The following TRIP12 variants were observed in gnomAD, a reference collection of about 807,000 sequenced individuals.
TRIP12 encodes thyroid hormone receptor interactor 12.
In TRIP12, 25 loss-of-function variants were observed where a neutral mutation model predicts 244.2. The ratio of observed to expected loss-of-function variants is 0.10; its 90% CI spans 0.07 to 0.14. The LOEUF (loss-of-function observed/expected upper bound fraction) is 0.14, where lower values mean the gene tolerates loss of function less well. Ranked by LOEUF, TRIP12 falls within the 10% of genes least tolerant of loss-of-function variation. The probability of loss-of-function intolerance (pLI) is 1.00; values close to 1 mark genes in which losing one functional copy is unlikely to be tolerated. For missense variants in TRIP12, 1,677 were observed against 2,486.4 expected, an observed-to-expected ratio of 0.67 and a Z score of 6.92; for synonymous variants, 905 against 873.1, an observed-to-expected ratio of 1.04 and a Z score of -0.64.
Position 229,805,989 on chromosome 2 carries a change from C to T in TRIP12, c.2497-106G>A, listed in dbSNP as rs895300194. 8.0e-5 allele frequency: 76 copies of T among 945,178 alleles called. 2 individuals carry two copies. In the South Asian group the frequency reaches 1.9e-3, roughly 23 times the overall value. 58.5% of individuals were successfully genotyped at this position (945,178 alleles called of 1,614,324 possible). The stretch of plus-strand genomic sequence containing the variant: ...ATGCTATCTTACATATTTATTTCAA[C>T]AGGTTTTAGATGGTGAAGTTAACAG... On this transcript the variant is annotated intron_variant, in intron 17 of 41. Transcript: ENST00000675903.
At chr2:229,887,759 G>C (rs796128329) in intron 1 of TRIP12, among the ~76,000 whole-genome samples, 7 of 152,262 alleles carry the variant, frequency 4.6e-5, no homozygotes, top group African/African-American at 1.7e-4. Flanking sequence ...CAATGTCCTA[G>C]GAAATGCTAC....
chr2:229,896,906 T>C lies in TRIP12; in HGVS notation c.-49-16778A>G, dbSNP rs147756461. ...CAGTTTATAATACTACAATGGTAGC[T>C]GTATGTCATTACAAATTTGATAGAA... On this transcript the variant is annotated intron_variant, in intron 1 of 41. Transcript: ENST00000675903. Among the ~76,000 whole-genome samples, 348 of 152,344 alleles carry C rather than the reference T, an allele frequency of 2.3e-3. 1 individual carries two copies. The highest frequency in any genetic ancestry group is 7.9e-3 in the African/African-American group (327 of 41,584).
chr2:229,879,914 G>C (rs1031775192), intron 2 of TRIP12, 68 bp downstream of exon 2: 2 of 1,558,684 alleles, frequency 1.3e-6, no homozygotes, highest in African/African-American at 1.4e-5. Flanking sequence ...TTTGGACCTC[G>C]CAAGGAGGCT....
Position 229,814,048 on chromosome 2 carries a change from T to C in TRIP12, c.1825-17A>G, listed in dbSNP as rs774140114. Reference sequence around the variant, plus strand: ...CAAACCACCCTAAAATATAGAAAACTGTTAAGGTAAAGAAAAATCCTTTAT... The same window carrying C: ...CAAACCACCCTAAAATATAGAAAACCGTTAAGGTAAAGAAAAATCCTTTAT... On this transcript the variant is annotated splice_polypyrimidine_tract_variant and intron_variant, in intron 12 of 41. Coordinates refer to ENST00000675903, the MANE Select transcript of TRIP12 (RefSeq NM_001348323.3). 3 of 1,560,854 alleles carry C rather than the reference T, an allele frequency of 1.9e-6. No homozygotes were observed. The highest frequency in any genetic ancestry group is 1.7e-6 in the Non-Finnish European group (2 of 1,144,744).
At position 229,840,828 on chromosome 2, in the gene TRIP12, C is replaced by G; in HGVS notation, c.1127G>C (p.Ser376Thr). The G allele has an allele frequency of 6.3e-7, 1 of 1,581,582 alleles. No homozygotes were observed. Among genetic ancestry groups the G allele is most frequent in the South Asian group, 1.2e-5 (1 of 84,792 alleles). ...AAAAAAAAAAACAAATTACCTGGTA[C>G]TAGCACAGGAGCCCGTGGTCTTTTG... Reference protein sequence around the residue: ...TRQKTTGSCASTSRRGSGLGK... With the variant: ...TRQKTTGSCATTSRRGSGLGK... The change falls in exon 5 of 42, where the codon AGT becomes ACT. Residue 376 changes from serine to threonine, a missense_variant. By Grantham distance (58) the Ser-to-Thr change is moderately conservative. Coordinates refer to ENST00000675903, the MANE Select transcript of TRIP12 (RefSeq NM_001348323.3).
intron 1 of TRIP12, among the ~76,000 whole-genome samples, chr2:229,909,349 C>G (rs1447614946): frequency 2.6e-5 from 4 of 151,640 alleles, no homozygotes; most frequent in African/African-American, 9.7e-5. Context: ...AGTTTGAGAC[C>G]AGCCTGGGCA....
chr2:229,879,931 T>C, intron 2 of TRIP12, 51 bp downstream of exon 2: 1 of 1,600,108 alleles, frequency 6.2e-7, no homozygotes, highest in East Asian at 2.2e-5. Flanking sequence ...GGCTTAAAAA[T>C]ATTTTTTCTT....
At chr2:229,882,592 T>C (rs2065099797) in intron 1 of TRIP12, among the ~76,000 whole-genome samples, 1 of 152,114 alleles carries the variant, frequency 6.6e-6, no homozygotes, top group Non-Finnish European at 1.5e-5. Flanking sequence ...ACTTCAATCA[T>C]CTCAATGCCA....
At chr2:229,795,905 A>C (rs932823360) in intron 25 of TRIP12, among the ~76,000 whole-genome samples, 4 of 152,240 alleles carry the variant, frequency 2.6e-5, no homozygotes, top group Non-Finnish European at 5.9e-5. Context: ...CAATGCTCAA[A>C]TGCCTCTGAG....
intron 1 of TRIP12, among the ~76,000 whole-genome samples, chr2:229,905,140 G>A (rs981601899): frequency 2.6e-5 from 4 of 152,152 alleles, no homozygotes; most frequent in African/African-American, 7.2e-5. Flanking sequence ...TGAGCGTGGT[G>A]GCACATGCCT....
intron 1 of TRIP12, among the ~76,000 whole-genome samples, chr2:229,915,692 TA>T (rs11291133): frequency 0.51 from 75,118 of 146,392 alleles, 18,914 homozygotes; most frequent in East Asian, 0.66. Context: ...TATTGTATAC[TA>T]AAAAAAAAAA....
At chr2:229,782,307 A>G (rs2038483558) in intron 34 of TRIP12, among the ~76,000 whole-genome samples, 1 of 151,910 alleles carries the variant, frequency 6.6e-6, no homozygotes, top group Non-Finnish European at 1.5e-5. Flanking sequence ...CCTTCTCCCA[A>G]CACTTCTACA....
At chr2:229,841,277 C>T (rs1002660591) in intron 4 of TRIP12, among the ~76,000 whole-genome samples, 12 of 152,112 alleles carry the variant, frequency 7.9e-5, no homozygotes, top group African/African-American at 2.9e-4. Flanking sequence ...ATTTACTAAA[C>T]GTCATTAAGT....
Position 229,787,885 on chromosome 2 carries a change from C to T in TRIP12, c.4839-224G>A, listed in dbSNP as rs564488323. ...TGGTGTGATCTAGGCACACTGCAAC[C>T]GCCACCTCCCGGGCTCTTGCAATTC... On this transcript the variant is annotated intron_variant, in intron 32 of 41. Transcript: ENST00000675903. 3.7e-4 allele frequency among the ~76,000 whole-genome samples: 57 copies of T among 152,242 alleles called. 1 individual carries two copies. The highest frequency in any genetic ancestry group is 1.1e-3 in the African/African-American group (47 of 41,532).
chr2:229,823,797 C>T (rs567881568), intron 8 of TRIP12, among the ~76,000 whole-genome samples: 15 of 152,002 alleles, frequency 9.9e-5, no homozygotes, highest in East Asian at 1.9e-4. Context: ...GACTAGCCTG[C>T]GCAACATGGC....
At chr2:229,833,723 A>G (rs1458554778) in intron 6 of TRIP12, among the ~76,000 whole-genome samples, 1 of 152,210 alleles carries the variant, frequency 6.6e-6, no homozygotes, top group Non-Finnish European at 1.5e-5. Context: ...TAGGTTATCT[A>G]AAGTGGGAGT....
Position 229,807,688 on chromosome 2 carries a change from C to T in TRIP12, c.2496+20G>A, listed in dbSNP as rs373864596. The stretch of plus-strand genomic sequence containing the variant: ...CTCCAACAAAATAGACACATTTAAA[C>T]GGTACGATGAAACTACTACCTCAAT... On this transcript the variant is annotated intron_variant, in intron 17 of 41. Transcript: ENST00000675903. 1.6e-5 allele frequency: 26 copies of T among 1,613,916 alleles called. No individual in the cohort carries two copies. Among genetic ancestry groups the T allele is most frequent in the East Asian group, 4.5e-5 (2 of 44,888 alleles).
In TRIP12 at chr2:229,899,034, T is replaced by C. The variant is rs574893962; in HGVS notation, c.-49-18906A>G. Among the ~76,000 whole-genome samples, 122 of 152,342 alleles carry C rather than the reference T, an allele frequency of 8.0e-4. 2 individuals carry two copies. Among genetic ancestry groups the C allele is most frequent in the East Asian group, 1.7e-3 (9 of 5,188 alleles). ...ATCAGCAAGAAACAATAAAATGGTATATTTTCTTTTCCCATTCCTTATTGA... is the reference window on the plus strand; with the variant it reads ...ATCAGCAAGAAACAATAAAATGGTACATTTTCTTTTCCCATTCCTTATTGA... On this transcript the variant is annotated intron_variant, in intron 1 of 41. Transcript: ENST00000675903.
At position 229,836,936 on chromosome 2, in the gene TRIP12, T is replaced by C; in HGVS notation, c.1182A>G (p.Arg394=). 6.3e-7 allele frequency: 1 copy of C among 1,599,614 alleles called. No individual in the cohort carries two copies. The highest frequency in any genetic ancestry group is 8.5e-7 in the Non-Finnish European group (1 of 1,175,146). Residue 394 remains arginine (R), a synonymous_variant, in exon 6 of 42, where the codon CGA becomes CGG. Transcript: ENST00000675903. ...LGKRGAAEAR[R]QEKMADPESN... ...TTTCAGGGTCTGCCATTTTCTCCTG[T>C]CGACGAGCTTCAGCTGCTCCTCTTT...
Sources: allele counts gnomAD v4.1 joint callset (sites outside exome capture counted in the v4.1 genomes callset), GRCh38; gene constraint gnomAD v4.1.1; transcripts MANE v1.5; gene names NCBI Gene and HGNC (gene_info 2026-07-23, HGNC 2026-07-21).